ADAMTS9: variants seen among roughly 807,000 people sequenced by gnomAD.
The protein encoded by ADAMTS9 is ADAM metallopeptidase with thrombospondin type 1 motif 9, also known as A disintegrin and metalloproteinase with thrombospondin motifs 9.
A neutral mutation model predicts 257.1 loss-of-function variants in ADAMTS9; 107 were observed. The observed-to-expected ratio is 0.42, with a 90% CI of 0.36 to 0.49. The LOEUF is 0.49. Ranked by LOEUF, ADAMTS9 falls within the 20% of genes least tolerant of loss-of-function variation. The probability of loss-of-function intolerance (pLI) is 0.03; values close to 1 mark genes in which losing one functional copy is unlikely to be tolerated. For missense variants in ADAMTS9, 2,353 were observed against 2,469.1 expected, an observed-to-expected ratio of 0.95 and a Z score of 1.00; for synonymous variants, 982 against 880.9, an observed-to-expected ratio of 1.11 and a Z score of -2.03.
chr3:64,654,132 T>C (rs770286712), intron 8 of ADAMTS9, among the ~76,000 whole-genome samples: 3 of 152,208 alleles, frequency 2.0e-5, no homozygotes, highest in Non-Finnish European at 2.9e-5. Context: ...AAACTGAAGA[T>C]ACACACAAGC....
At chr3:64,573,724 C>T (rs1323788858) in intron 28 of ADAMTS9, among the ~76,000 whole-genome samples, 9 of 152,168 alleles carry the variant, frequency 5.9e-5, no homozygotes, top group African/African-American at 1.2e-4. Context: ...AAGGATGCAA[C>T]GCATATGCCC....
intron 38 of ADAMTS9, among the ~76,000 whole-genome samples, chr3:64,532,096 T>G (rs1173751607): frequency 6.6e-6 from 1 of 152,204 alleles, no homozygotes; most frequent in South Asian, 2.1e-4. Flanking sequence ...CATTTAAAAA[T>G]TCCTCAGGTG....
intron 10 of ADAMTS9, among the ~76,000 whole-genome samples, chr3:64,649,142 G>A (rs1315775462): frequency 1.3e-5 from 2 of 152,134 alleles, no homozygotes; most frequent in Non-Finnish European, 2.9e-5. Context: ...CACCCCAGCT[G>A]AGGCCCCACC....
At chr3:64,612,721 C>A (rs2084689028) in intron 22 of ADAMTS9, among the ~76,000 whole-genome samples, 1 of 152,136 alleles carries the variant, frequency 6.6e-6, no homozygotes, top group South Asian at 2.1e-4. Context: ...TTAGGAAGGA[C>A]TTAATTCCGA....
At chr3:64,643,352 T>C (rs1264944418) in intron 11 of ADAMTS9, among the ~76,000 whole-genome samples, 3 of 151,592 alleles carry the variant, frequency 2.0e-5, no homozygotes, top group Non-Finnish European at 4.4e-5. Flanking sequence ...CATAAAAAAC[T>C]AATAAAAAAC....
At chr3:64,556,316 AT>A (rs920441948) in intron 30 of ADAMTS9, among the ~76,000 whole-genome samples, 8 of 151,990 alleles carry the variant, frequency 5.3e-5, no homozygotes, top group Admixed American at 5.2e-4. Context: ...CTGTGCTTTT[AT>A]TTTTTTATTT....
chr3:64,593,963 G>A (rs1452222422), intron 28 of ADAMTS9, among the ~76,000 whole-genome samples: 1 of 66,960 alleles, frequency 1.5e-5, no homozygotes, highest in Non-Finnish European at 2.4e-5. Flanking sequence ...TGTGTATGAT[G>A]TGTGTGTGTG....
intron 38 of ADAMTS9, among the ~76,000 whole-genome samples, chr3:64,524,142 G>A (rs184579129): frequency 9.1e-4 from 138 of 152,208 alleles, no homozygotes; most frequent in Admixed American, 2.7e-3. Context: ...AATTTAAAGT[G>A]GATATATTTT....
intron 14 of ADAMTS9, 92 bp downstream of exon 14, chr3:64,633,380 A>T (rs1576141288): frequency 3.9e-6 from 6 of 1,548,996 alleles, no homozygotes; most frequent in Non-Finnish European, 4.4e-6. Context: ...AACAGTGCAC[A>T]GATACTAGCA....
chr3:64,639,786 A>C (rs553822000), intron 12 of ADAMTS9, among the ~76,000 whole-genome samples: 1 of 152,222 alleles, frequency 6.6e-6, no homozygotes, highest in East Asian at 1.9e-4. Flanking sequence ...AGCTTCAACA[A>C]TACAAGCAAC....
At chr3:64,537,440 C>T (rs1171282663) in intron 37 of ADAMTS9, among the ~76,000 whole-genome samples, 5 of 152,120 alleles carry the variant, frequency 3.3e-5, no homozygotes, top group Admixed American at 3.3e-4. Context: ...AAAAACTGTA[C>T]TTCAAAAGTT....
At chr3:64,522,434 G>A in intron 38 of ADAMTS9, 174 bp from the exon 39 acceptor site, 1 of 494,290 alleles carries the variant, frequency 2.0e-6, no homozygotes, top group Non-Finnish European at 3.6e-6. Context: ...CAGCCTGTGA[G>A]CCAAATCCAG....
chr3:64,611,630 T>A (rs1328220725), intron 22 of ADAMTS9, among the ~76,000 whole-genome samples: 1 of 152,128 alleles, frequency 6.6e-6, no homozygotes, highest in Non-Finnish European at 1.5e-5. Flanking sequence ...AGACATTAGA[T>A]TCTCATAAGG....
chr3:64,620,405 C>T (rs1432706739), intron 19 of ADAMTS9, among the ~76,000 whole-genome samples: 1 of 150,230 alleles, frequency 6.7e-6, no homozygotes, highest in Non-Finnish European at 1.5e-5. Context: ...CCACTCTCCA[C>T]TGAATTTCCC....
At chr3:64,576,418 A>T (rs2083848547) in intron 28 of ADAMTS9, among the ~76,000 whole-genome samples, 2 of 152,202 alleles carry the variant, frequency 1.3e-5, no homozygotes, top group African/African-American at 4.8e-5. Flanking sequence ...CTTATTGGCA[A>T]TGAACTCACT....
chr3:64,638,004 T>C (rs1700543275), intron 12 of ADAMTS9, among the ~76,000 whole-genome samples: 1 of 152,228 alleles, frequency 6.6e-6, no homozygotes, highest in Non-Finnish European at 1.5e-5. Context: ...AAATTCATTT[T>C]TTTGGATGAA....
intron 21 of ADAMTS9, among the ~76,000 whole-genome samples, chr3:64,614,650 G>A (rs1047928888): frequency 3.3e-5 from 5 of 152,098 alleles, no homozygotes; most frequent in Admixed American, 2.0e-4. Flanking sequence ...CTTGGGCTGT[G>A]TTAACACTGG....
intron 26 of ADAMTS9, among the ~76,000 whole-genome samples, chr3:64,599,052 C>T (rs571498013): frequency 6.6e-6 from 1 of 152,214 alleles, no homozygotes; most frequent in South Asian, 2.1e-4. Context: ...CACTGGCCAC[C>T]CAGGGAGTGA....
At chr3:64,674,550 T>C (rs1701578082) in intron 3 of ADAMTS9, among the ~76,000 whole-genome samples, 1 of 152,222 alleles carries the variant, frequency 6.6e-6, no homozygotes, top group South Asian at 2.1e-4. Flanking sequence ...TGCTTCCACA[T>C]TGCCAAGTAC....
Sources: gnomAD v4.1 joint callset for allele counts (sites outside exome capture counted in the v4.1 genomes callset) on GRCh38, gnomAD v4.1.1 for gene constraint, MANE v1.5 for transcripts, NCBI Gene and HGNC (gene_info 2026-07-23, HGNC 2026-07-21) for gene names.